Variants in DNAH6 observed in about 807,000 individuals in gnomAD.
The protein encoded by DNAH6 is dynein axonemal heavy chain 6, also known as axonemal beta dynein heavy chain 6.
A neutral mutation model predicts 491.4 loss-of-function variants in DNAH6; 340 were observed. That is an observed-to-expected ratio of 0.69 (90% CI 0.63 to 0.76). The LOEUF (loss-of-function observed/expected upper bound fraction) is 0.76, where lower values mean the gene tolerates loss of function less well. DNAH6 is among the 30% of genes least tolerant of loss of function. DNAH6 has a pLI of 0.00. For missense variants in DNAH6, 4,443 were observed against 4,972.2 expected, an observed-to-expected ratio of 0.89 and a Z score of 3.20; for synonymous variants, 1,603 against 1,686.1, an observed-to-expected ratio of 0.95 and a Z score of 1.21.
intron 18 of DNAH6, among the ~76,000 whole-genome samples, chr2:84,596,485 G>A (rs374818846): frequency 7.2e-5 from 11 of 151,918 alleles, no homozygotes; most frequent in African/African-American, 2.2e-4. Flanking sequence ...CACCCACCAC[G>A]CTGGGCTAAT....
At chr2:84,777,975 C>T in intron 64 of DNAH6, 1 of 957,422 alleles carries the variant, frequency 1.0e-6, no homozygotes, top group South Asian at 1.3e-5. Flanking sequence ...GTGATAATGA[C>T]CAGCTTGGAA....
chr2:84,757,263 C>G (rs1300235761), intron 63 of DNAH6, among the ~76,000 whole-genome samples: 1 of 152,182 alleles, frequency 6.6e-6, no homozygotes, highest in African/African-American at 2.4e-5. Context: ...GTGTCACTAT[C>G]TAGGAACCTA....
intron 2 of DNAH6, among the ~76,000 whole-genome samples, chr2:84,518,509 C>A (rs913280288): frequency 6.6e-6 from 1 of 152,124 alleles, no homozygotes; most frequent in Non-Finnish European, 1.5e-5. Flanking sequence ...TAATTATAAA[C>A]GCATGTAAAG....
At chr2:84,729,189 A>G (rs1330595518) in intron 61 of DNAH6, among the ~76,000 whole-genome samples, 2 of 152,128 alleles carry the variant, frequency 1.3e-5, no homozygotes, top group East Asian at 1.9e-4. Context: ...AGAGCTTGCT[A>G]TGTGTTTTAT....
At chr2:84,771,927 A>G (rs1037696711) in intron 64 of DNAH6, among the ~76,000 whole-genome samples, 5 of 152,214 alleles carry the variant, frequency 3.3e-5, no homozygotes, top group African/African-American at 1.2e-4. Context: ...AGGTAAATAT[A>G]TGTCACTAAG....
chr2:84,614,068 G>GT (rs1327716961), intron 22 of DNAH6, among the ~76,000 whole-genome samples: 5 of 151,812 alleles, frequency 3.3e-5, no homozygotes, highest in African/African-American at 1.2e-4. Context: ...GAAACAGGTG[G>GT]TGTATGGTTC....
At chr2:84,677,999 C>T (rs1171243807) in intron 41 of DNAH6, among the ~76,000 whole-genome samples, 1 of 152,088 alleles carries the variant, frequency 6.6e-6, no homozygotes, top group Non-Finnish European at 1.5e-5. Flanking sequence ...AAGGATGTGG[C>T]AATTAAGTGA....
At chr2:84,802,773 A>C (rs1454739668) in intron 70 of DNAH6, among the ~76,000 whole-genome samples, 1 of 152,212 alleles carries the variant, frequency 6.6e-6, no homozygotes, top group African/African-American at 2.4e-5. Flanking sequence ...TCTCATCTGC[A>C]CACAAAACAT....
chr2:84,585,975 T>G (rs1275887454), intron 15 of DNAH6, among the ~76,000 whole-genome samples: 1 of 152,188 alleles, frequency 6.6e-6, no homozygotes, highest in African/African-American at 2.4e-5. Flanking sequence ...ACCCACCCCC[T>G]TCCATTCAGG....
intron 34 of DNAH6, 131 bp downstream of exon 34, chr2:84,654,005 T>G: frequency 1.4e-6 from 1 of 715,106 alleles, no homozygotes; most frequent in Non-Finnish European, 2.2e-6. Flanking sequence ...ACTTACTTAT[T>G]AAGTCATCCT....
chr2:84,623,286 A>G (rs1228720978), intron 26 of DNAH6, among the ~76,000 whole-genome samples: 1 of 152,190 alleles, frequency 6.6e-6, no homozygotes, highest in East Asian at 1.9e-4. Flanking sequence ...CAAGGAAACA[A>G]TCAACAGAGT....
At chr2:84,778,663 G>C (rs370174652) in intron 64 of DNAH6, among the ~76,000 whole-genome samples, 23 of 151,970 alleles carry the variant, frequency 1.5e-4, no homozygotes, top group African/African-American at 5.6e-4. Context: ...ACTATGCCTG[G>C]CTAATTTCTG....
At chr2:84,813,184 C>G in intron 74 of DNAH6, 54 bp downstream of exon 74, 1 of 1,335,032 alleles carries the variant, frequency 7.5e-7, no homozygotes, top group Non-Finnish European at 1.0e-6. Flanking sequence ...TTCTCATACA[C>G]AGGGTTTTGA....
chr2:84,505,695 C>A, the DNAH6 span, among the ~76,000 whole-genome samples: 1 of 152,138 alleles, frequency 6.6e-6, no homozygotes, highest in African/African-American at 2.4e-5. Context: ...TCTCCTAATG[C>A]TATCCCTCCC....
intron 11 of DNAH6, among the ~76,000 whole-genome samples, chr2:84,572,461 T>C (rs886080983): frequency 2.0e-5 from 3 of 152,266 alleles, no homozygotes; most frequent in South Asian, 2.1e-4. Context: ...ATATGAGAGA[T>C]ACTATTTAGT....
rs375763608 is a variant in DNAH6, at chr2:84,672,627, G to A, written c.6612+143G>A. 4.2e-5 allele frequency: 32 copies of A among 767,948 alleles called. 1 individual carries two copies. In the East Asian group the frequency reaches 8.4e-4, roughly 20 times the overall value. The allele number at this position is 767,948 out of a possible 1,614,324, so 47.6% of individuals were successfully genotyped here. Reference sequence around the variant, plus strand: ...AAATTTATTTTCTCATAATTCTGAAGACTAGACGTCTAAGAACAAGGTGTC... The same window carrying A: ...AAATTTATTTTCTCATAATTCTGAAAACTAGACGTCTAAGAACAAGGTGTC... On this transcript the variant is annotated intron_variant, in intron 40 of 76. Coordinates refer to ENST00000389394, the MANE Select transcript of DNAH6 (RefSeq NM_001370.2).
intron 29 of DNAH6, among the ~76,000 whole-genome samples, chr2:84,625,648 AT>A (rs2104423981): frequency 6.6e-6 from 1 of 152,350 alleles, no homozygotes; most frequent in Admixed American, 6.5e-5. Context: ...CAGTAAGCCC[AT>A]TATATGTTAA....
intron 52 of DNAH6, 90 bp from the exon 53 acceptor site, chr2:84,706,806 T>C: frequency 7.1e-7 from 1 of 1,410,922 alleles, no homozygotes; most frequent in East Asian, 2.8e-5. Context: ...AAGAGGAACA[T>C]ATATAAAATT....
chr2:84,710,490 C>T, intron 56 of DNAH6, 78 bp downstream of exon 56: 1 of 1,411,424 alleles, frequency 7.1e-7, no homozygotes, highest in East Asian at 2.5e-5. Context: ...GGCCACATCC[C>T]CATCATGCTA....
Sources: gnomAD v4.1 joint callset for allele counts (sites outside exome capture counted in the v4.1 genomes callset) on GRCh38, gnomAD v4.1.1 for gene constraint, MANE v1.5 for transcripts, NCBI Gene and HGNC (gene_info 2026-07-23, HGNC 2026-07-21) for gene names.